The following CNTN6 variants were observed in gnomAD, a reference collection of about 807,000 sequenced individuals.
CNTN6 encodes contactin 6.
A neutral mutation model predicts 122.8 loss-of-function variants in CNTN6; 137 were observed. That is an observed-to-expected ratio of 1.12 (90% CI 0.97 to 1.29). The LOEUF is 1.29. Ranked by LOEUF, CNTN6 falls within the 50% of genes most tolerant of loss-of-function variation. The pLI, the probability that CNTN6 is intolerant of heterozygous loss-of-function variation, is 0.00. For missense variants in CNTN6, 1,634 were observed against 1,223.4 expected (o/e 1.34, Z -5.01); for synonymous variants, 570 against 426.0 (o/e 1.34, Z -4.16).
chr3:1,173,329 A>C (rs7632166), intron 2 of CNTN6: 228,980 of 456,156 alleles, frequency 0.5, 58,933 homozygotes, highest in East Asian at 0.7. Context: ...GTGAGTGTGA[A>C]TGCTCCAGTA....
At chr3:1,329,178 AACAC>A (rs928055372) in intron 10 of CNTN6, among the ~76,000 whole-genome samples, 8 of 151,082 alleles carry the variant, frequency 5.3e-5, no homozygotes, top group African/African-American at 9.7e-5. Context: ...ATAAATCAGA[AACAC>A]ACATACATAT....
chr3:1,374,174 A>G, intron 16 of CNTN6, 101 bp downstream of exon 16: 1 of 1,257,504 alleles, frequency 8.0e-7, no homozygotes, highest in South Asian at 1.9e-5. Flanking sequence ...TTTTGGCTCA[A>G]AATTGTTTGG....
intron 5 of CNTN6, among the ~76,000 whole-genome samples, chr3:1,287,267 G>A (rs768542215): frequency 7.2e-5 from 11 of 152,130 alleles, no homozygotes; most frequent in Non-Finnish European, 1.2e-4. Context: ...TGCTCTGCAC[G>A]TTGTTAAGAT....
intron 19 of CNTN6, among the ~76,000 whole-genome samples, chr3:1,385,364 T>TATGA (rs1692714473): frequency 6.6e-6 from 1 of 152,202 alleles, no homozygotes; most frequent in African/African-American, 2.4e-5. Context: ...TACTTTATTT[T>TATGA]GGTAATCTAA....
chr3:1,380,549 T>C (rs1691709398), intron 17 of CNTN6, among the ~76,000 whole-genome samples: 1 of 152,134 alleles, frequency 6.6e-6, no homozygotes, highest in Non-Finnish European at 1.5e-5. Flanking sequence ...GTACACAGGA[T>C]AAAGCACTAT....
intron 4 of CNTN6, among the ~76,000 whole-genome samples, chr3:1,248,324 G>A (rs1253280197): frequency 6.6e-6 from 1 of 152,138 alleles, no homozygotes; most frequent in Non-Finnish European, 1.5e-5. Context: ...AGTATTTCAA[G>A]TTCTGTGATG....
chr3:1,200,071 T>G (rs114559982), intron 2 of CNTN6, among the ~76,000 whole-genome samples: 2 of 152,176 alleles, frequency 1.3e-5, no homozygotes, highest in African/African-American at 4.8e-5. Flanking sequence ...TATATATATT[T>G]TTTAAGATGA....
rs141623608 is a variant in CNTN6, at chr3:1,303,441, G to A, written c.761+5450G>A. 6.1e-3 allele frequency among the ~76,000 whole-genome samples: 930 copies of A among 152,254 alleles called. 12 individuals carry two copies. Among genetic ancestry groups the A allele is most frequent in the African/African-American group, 0.021 (892 of 41,552 alleles). On this transcript the variant is annotated intron_variant, in intron 7 of 22. Coordinates refer to ENST00000446702, the MANE Select transcript of CNTN6 (RefSeq NM_001289080.2). ...TAGCTAGGGTTAGACTGTAATTACT[G>A]TTGGCTCTAGCTGTGGTATCAGAGG...
At chr3:1,381,531 C>A (rs375747459) in intron 17 of CNTN6, among the ~76,000 whole-genome samples, 2 of 152,190 alleles carry the variant, frequency 1.3e-5, no homozygotes, top group East Asian at 3.9e-4. Context: ...AGAACCGGAA[C>A]ATGGTTCATC....
At chr3:1,133,085 G>C (rs1057106687) in intron 1 of CNTN6, among the ~76,000 whole-genome samples, 7 of 152,030 alleles carry the variant, frequency 4.6e-5, no homozygotes, top group Admixed American at 4.6e-4. Context: ...AATACACCAA[G>C]CAATATGCCG....
chr3:1,220,589 T>C, intron 2 of CNTN6, 98 bp from the exon 3 acceptor site: 1 of 1,014,724 alleles, frequency 9.9e-7, no homozygotes. Flanking sequence ...TAAAATAAAA[T>C]AATTTTAAAT....
intron 5 of CNTN6, among the ~76,000 whole-genome samples, chr3:1,289,553 A>G (rs1035463333): frequency 6.6e-6 from 1 of 152,164 alleles, no homozygotes; most frequent in Non-Finnish European, 1.5e-5. Flanking sequence ...TCCAGACTCC[A>G]ACACACCACT....
At chr3:1,239,439 A>ACAAG (rs1340876513) in intron 4 of CNTN6, among the ~76,000 whole-genome samples, 1 of 151,924 alleles carries the variant, frequency 6.6e-6, no homozygotes, top group African/African-American at 2.4e-5. Flanking sequence ...AAACAAACAA[A>ACAAG]CAAACACTTA....
At position 1,291,303 on chromosome 3, in the gene CNTN6, C is replaced by T. The variant is rs144836152; in HGVS notation, c.455-4298C>T. 2.5e-3 allele frequency among the ~76,000 whole-genome samples: 386 copies of T among 152,240 alleles called. 1 individual carries two copies. Among genetic ancestry groups the T allele is most frequent in the African/African-American group, 8.4e-3 (350 of 41,534 alleles). ...CTTCCAGCAGCTTCTAAATATCTCACTATTAAAGAAGGACACACCACATGT... is the reference window on the plus strand; with the variant it reads ...CTTCCAGCAGCTTCTAAATATCTCATTATTAAAGAAGGACACACCACATGT... On this transcript the variant is annotated intron_variant, in intron 5 of 22. Coordinates refer to ENST00000446702, the MANE Select transcript of CNTN6 (RefSeq NM_001289080.2).
chr3:1,153,052 A>T (rs2125196188), intron 2 of CNTN6, among the ~76,000 whole-genome samples: 1 of 152,366 alleles, frequency 6.6e-6, no homozygotes, highest in East Asian at 1.9e-4. Flanking sequence ...TTTATAAAAC[A>T]TTCACTTGGT....
chr3:1,283,898 C>T (rs980172384), intron 5 of CNTN6, among the ~76,000 whole-genome samples: 14 of 152,256 alleles, frequency 9.2e-5, no homozygotes, highest in African/African-American at 3.4e-4. Flanking sequence ...TACTCTGGGG[C>T]TGAGGCAGGA....
In CNTN6 at chr3:1,377,468, G is replaced by A. The variant is rs148504453; in HGVS notation, c.2166+393G>A. Among the ~76,000 whole-genome samples the A allele has an allele frequency of 3.9e-5, 6 of 152,188 alleles. No individual in the cohort carries two copies. The East Asian group carries it at 1.2e-3, about 30-fold the overall frequency. ...TGTCCTAACCCTGCTGTTCACCTCT[G>A]ATCAACTCATTCTTCCCTGCATCTA... On this transcript the variant is annotated intron_variant, in intron 17 of 22. Coordinates refer to ENST00000446702, the MANE Select transcript of CNTN6 (RefSeq NM_001289080.2).
chr3:1,231,191 AGACAGAG>A (rs2094348562), intron 4 of CNTN6, among the ~76,000 whole-genome samples: 1 of 152,188 alleles, frequency 6.6e-6, no homozygotes, highest in Non-Finnish European at 1.5e-5. Flanking sequence ...ATCCAAAGCG[AGACAGAG>A]ATTAAACATT....
At chr3:1,321,583 C>T in intron 7 of CNTN6, 67 bp from the exon 8 acceptor site, 2 of 1,346,464 alleles carry the variant, frequency 1.5e-6, no homozygotes, top group Non-Finnish European at 2.0e-6. Context: ...TGTATGGATG[C>T]TCTTCTTTTA....
Sources: gnomAD v4.1 joint callset for allele counts (sites outside exome capture counted in the v4.1 genomes callset) on GRCh38, gnomAD v4.1.1 for gene constraint, MANE v1.5 for transcripts, NCBI Gene and HGNC (gene_info 2026-07-23, HGNC 2026-07-21) for gene names.